Variants in HDAC4 observed in about 807,000 individuals in gnomAD.
HDAC4 encodes the protein histone deacetylase A.
Under a neutral mutation model 135.1 loss-of-function variants are expected in HDAC4, and 16 were observed. The observed-to-expected ratio is 0.12, with a 90% CI of 0.08 to 0.18. The LOEUF (loss-of-function observed/expected upper bound fraction) is 0.18. Among genes scored for constraint, HDAC4 ranks in the 10% least tolerant of loss-of-function variants. The pLI is 1.00. For synonymous variants in HDAC4, 685 were observed against 653.4 expected (o/e 1.05, Z -0.74); for missense variants, 1,143 against 1,511.8 (o/e 0.76, Z 4.05).
intron 2 of HDAC4, among the ~76,000 whole-genome samples, chr2:239,333,499 AAATT>A (rs1691721862): frequency 6.6e-6 from 1 of 152,168 alleles, no homozygotes; most frequent in Non-Finnish European, 1.5e-5. Flanking sequence ...TAGATGATAA[AAATT>A]AAACTGACTA....
chr2:239,354,948 CA>C, intron 1 of HDAC4, among the ~76,000 whole-genome samples: 1 of 152,198 alleles, frequency 6.6e-6, no homozygotes. Context: ...ATGCCCCCCT[CA>C]AAATTTTTGG....
intron 3 of HDAC4, among the ~76,000 whole-genome samples, 195 bp downstream of exon 3, chr2:239,236,398 C>T (rs1029250855): frequency 6.6e-6 from 1 of 152,232 alleles, no homozygotes; most frequent in African/African-American, 2.4e-5. Flanking sequence ...CTACCATTTA[C>T]ATGGCACGGA....
chr2:239,193,060 A>G (rs1236924143), intron 3 of HDAC4, among the ~76,000 whole-genome samples: 1 of 152,228 alleles, frequency 6.6e-6, no homozygotes, highest in Non-Finnish European at 1.5e-5. Context: ...AAGTAACTGC[A>G]CAGCGTTGCA....
chr2:239,210,444 A>G (rs553032277), intron 3 of HDAC4, among the ~76,000 whole-genome samples: 32 of 152,328 alleles, frequency 2.1e-4, no homozygotes, highest in African/African-American at 7.7e-4. Flanking sequence ...ACACGGCAAA[A>G]CTAGTTTTTT....
chr2:239,285,092 C>T lies in HDAC4; in HGVS notation c.23-48428G>A, dbSNP rs998107350. On this transcript the variant is annotated intron_variant, in intron 2 of 26. Coordinates refer to ENST00000543185, the MANE Select transcript of HDAC4 (RefSeq NM_001378414.1). This position sits in a 1 kb window ranked among gnomAD's most constrained non-coding sequence, Gnocchi z 4.5. ...AAATACATCCCACCCCACACCTAGA[C>T]AATCTACAGTCTACCTTCATGGCAA... Among the ~76,000 whole-genome samples, 4 of 152,360 alleles carry T rather than the reference C, an allele frequency of 2.6e-5. No homozygotes were observed. The highest frequency in any genetic ancestry group is 9.6e-5 in the African/African-American group (4 of 41,594).
chr2:239,066,662 G>A, intron 24 of HDAC4, 60 bp downstream of exon 24: 1 of 1,611,306 alleles, frequency 6.2e-7, no homozygotes, highest in South Asian at 1.1e-5. Flanking sequence ...CGGGCAGCCA[G>A]GCCACAACCC....
rs1316815060 is a variant in HDAC4, at chr2:239,282,101, CCCACTCTACACA to C, written c.23-45449_23-45438del. Among the ~76,000 whole-genome samples, 23 of 139,318 alleles carry C rather than the reference CCCACTCTACACA, an allele frequency of 1.7e-4. No homozygotes were observed. The East Asian group carries it at 4.2e-3, about 25-fold the overall frequency. The allele number at this position is 139,318 out of a possible 152,430, so 91.4% of individuals were successfully genotyped here. A position where few individuals can be genotyped will look rare whatever the true frequency, so the allele number is the denominator to read the frequency against. On this transcript the variant is annotated intron_variant, in intron 2 of 26. Coordinates refer to ENST00000543185, the MANE Select transcript of HDAC4 (RefSeq NM_001378414.1). ...GTATACACCACTCTACAATGAACAC[CCCACTCTACACA>C]CCACTCTACAATGTACACACCATGC...
chr2:239,323,476 A>G (rs1457968688), intron 2 of HDAC4, among the ~76,000 whole-genome samples: 1 of 152,194 alleles, frequency 6.6e-6, no homozygotes, highest in Non-Finnish European at 1.5e-5. Flanking sequence ...GTATTTTCCC[A>G]TTTATTTAAT....
At chr2:239,259,400 C>T (rs1238281496) in intron 2 of HDAC4, among the ~76,000 whole-genome samples, 8 of 152,166 alleles carry the variant, frequency 5.3e-5, no homozygotes, top group African/African-American at 1.9e-4. Context: ...GCTGAGATCA[C>T]ACCACTGCAC....
chr2:239,082,960 T>C (rs1212277491), intron 20 of HDAC4, among the ~76,000 whole-genome samples: 5 of 152,240 alleles, frequency 3.3e-5, no homozygotes, highest in Non-Finnish European at 5.9e-5. Context: ...GCAGCCCTGA[T>C]GTTCCCAGCA....
chr2:239,393,567 T>C (rs1375541730), intron 1 of HDAC4, among the ~76,000 whole-genome samples: 4 of 152,000 alleles, frequency 2.6e-5, no homozygotes, highest in Admixed American at 2.6e-4. Context: ...GCCCCGAAAC[T>C]CTGGCTCTGG....
intron 13 of HDAC4, among the ~76,000 whole-genome samples, chr2:239,112,555 TG>T (rs199910207): frequency 2.0e-4 from 30 of 151,672 alleles, no homozygotes; most frequent in Non-Finnish European, 3.8e-4. Flanking sequence ...GCTCTGTGTG[TG>T]GGGGGGGCAC....
intron 2 of HDAC4, among the ~76,000 whole-genome samples, chr2:239,318,610 C>T (rs1169701729): frequency 6.6e-6 from 1 of 151,176 alleles, no homozygotes; most frequent in African/African-American, 2.4e-5. Context: ...AGTGACCACG[C>T]TTATCTGAGG....
At chr2:239,103,692 G>A (rs143422837) in intron 15 of HDAC4, among the ~76,000 whole-genome samples, 1 of 152,314 alleles carries the variant, frequency 6.6e-6, no homozygotes, top group Non-Finnish European at 1.5e-5. Flanking sequence ...CTGCAGCCCT[G>A]CCCCAGCATC....
At chr2:239,105,823 C>T (rs943039200) in intron 15 of HDAC4, among the ~76,000 whole-genome samples, 1 of 152,188 alleles carries the variant, frequency 6.6e-6, no homozygotes. Context: ...CCCCTCTGCT[C>T]GGCCATCTCA....
intron 11 of HDAC4, among the ~76,000 whole-genome samples, chr2:239,127,013 T>C (rs1423635574): frequency 1.3e-5 from 2 of 151,902 alleles, no homozygotes; most frequent in Non-Finnish European, 1.5e-5. Context: ...TACCACACAA[T>C]TGTTCCTGGG....
chr2:239,188,417 G>A (rs1480760414), intron 4 of HDAC4, among the ~76,000 whole-genome samples: 1 of 152,248 alleles, frequency 6.6e-6, no homozygotes, highest in Non-Finnish European at 1.5e-5. Context: ...GAAACAGAGG[G>A]ATGCACCCCT....
intron 3 of HDAC4, among the ~76,000 whole-genome samples, chr2:239,217,299 C>T (rs1043219143): frequency 6.6e-6 from 1 of 152,174 alleles, no homozygotes; most frequent in Non-Finnish European, 1.5e-5. Flanking sequence ...ATCTTCAAAC[C>T]CAACTTTCCA....
intron 7 of HDAC4, among the ~76,000 whole-genome samples, chr2:239,151,871 T>C (rs1025313579): frequency 1.3e-5 from 2 of 152,194 alleles, no homozygotes; most frequent in Admixed American, 1.3e-4. Context: ...GCTAGGACCA[T>C]GTGCCCAGGG....
Sources: allele counts gnomAD v4.1 joint callset (sites outside exome capture counted in the v4.1 genomes callset), GRCh38; gene constraint gnomAD v4.1.1; non-coding constraint Gnocchi (gnomAD v3.1); transcripts MANE v1.5; gene names NCBI Gene and HGNC (gene_info 2026-07-23, HGNC 2026-07-21).